The following NOSIP variants were observed in gnomAD, a reference collection of about 807,000 sequenced individuals.
The protein encoded by NOSIP is nitric oxide synthase interacting protein, also known as nitric oxide synthase-interacting protein.
A neutral mutation model predicts 36.4 loss-of-function variants in NOSIP; 25 were observed. The ratio of observed to expected loss-of-function variants is 0.69; its 90% CI spans 0.50 to 0.96. The LOEUF is 0.96. Among genes scored for constraint, NOSIP ranks in the 40% least tolerant of loss-of-function variants. NOSIP has a pLI of 0.00. For missense variants in NOSIP, 370 were observed against 429.0 expected (o/e 0.86, Z 1.21); for synonymous variants, 187 against 179.2 (o/e 1.04, Z -0.35).
At position 49,569,369 on chromosome 19, in the gene NOSIP, AT is replaced by A. The variant is rs552513559; in HGVS notation, c.-1-8678del. 6.2e-3 allele frequency among the ~76,000 whole-genome samples: 843 copies of A among 136,082 alleles called. 10 individuals carry two copies. Among genetic ancestry groups the A allele is most frequent in the African/African-American group, 0.021 (781 of 37,198 alleles). The allele number at this position is 136,082 out of a possible 152,430, so 89.3% of individuals were successfully genotyped here. A position where few individuals can be genotyped will look rare whatever the true frequency, so the allele number is the denominator to read the frequency against. On this transcript the variant is annotated intron_variant, in intron 1 of 8. Transcript: ENST00000596358. ...CCACCACACCCAGCTAATTTTTTTT[AT>A]TTTTTTTTTAGTAGAGATGGGGTTT...
chr19:49,556,572 G>C lies in NOSIP; in HGVS notation c.702C>G (p.Thr234=). 2 of 1,606,120 alleles carry C rather than the reference G, an allele frequency of 1.2e-6. No homozygotes were observed. The highest frequency in any genetic ancestry group is 1.7e-6 in the Non-Finnish European group (2 of 1,179,302). ...ACGAGGGCCGCAGCACAGCGCAGGG[G>C]GTGGCGTTGCTCAGGCTGTCGCGGG... is the stretch of plus-strand genomic sequence containing the variant. The part of the protein sequence containing the change: ...AVTRDSLSNA[T]PCAVLRPSGA... Residue 234 remains threonine (T), a synonymous_variant, in exon 7 of 9, where the codon ACC becomes ACG. Coordinates refer to ENST00000596358, the MANE Select transcript of NOSIP (RefSeq NM_001270960.2).
At chr19:49,579,099 C>A (rs145801748) in intron 1 of NOSIP, 20 of 151,964 alleles carry the variant, frequency 1.3e-4, no homozygotes, top group Admixed American at 1.2e-3. Context: ...GGGAACAGTT[C>A]TAAATTAAGA....
intron 1 of NOSIP, among the ~76,000 whole-genome samples, chr19:49,564,078 T>A (rs77104982): frequency 1.3e-5 from 2 of 152,130 alleles, no homozygotes; most frequent in African/African-American, 4.8e-5. Context: ...CCATGAGGTG[T>A]GACACTGCAA....
rs1555734910 is a variant in NOSIP, at chr19:49,565,770, A to AAAAAGG, written c.-1-5079_-1-5078insCCTTTT. 4.6e-3 allele frequency among the ~76,000 whole-genome samples: 512 copies of AAAAAGG among 111,902 alleles called. 7 individuals are homozygous for AAAAAGG. The highest frequency in any genetic ancestry group is 0.024 in the Middle Eastern group (5 of 212). The allele number at this position is 111,902 out of a possible 152,430, so 73.4% of individuals were successfully genotyped here. A position where few individuals can be genotyped will look rare whatever the true frequency, so the allele number is the denominator to read the frequency against. ...GAGAACCTGTCTCAAAAGAAAAAAA[A>AAAAAGG]AAGAAAGAAAGAAAGAAATTAATGG... On this transcript the variant is annotated intron_variant, in intron 1 of 8. Coordinates refer to ENST00000596358, the MANE Select transcript of NOSIP (RefSeq NM_001270960.2).
chr19:49,557,044 C>T (rs2080260580), intron 5 of NOSIP, 46 bp downstream of exon 5: 4 of 1,588,432 alleles, frequency 2.5e-6, no homozygotes, highest in Non-Finnish European at 2.6e-6. Context: ...CCGCCCAGCC[C>T]GCGGCGCCCC....
At chr19:49,568,775 T>G in intron 1 of NOSIP, among the ~76,000 whole-genome samples, 1 of 136,718 alleles carries the variant, frequency 7.3e-6, no homozygotes. Context: ...CTAGACCCCA[T>G]CTCTAAAAAA....
intron 1 of NOSIP, among the ~76,000 whole-genome samples, chr19:49,569,023 G>A (rs1179678942): frequency 1.3e-5 from 2 of 151,384 alleles, no homozygotes; most frequent in East Asian, 1.9e-4. Context: ...CGATGGTCTC[G>A]AACTCCTGAC....
chr19:49,575,142 C>T (rs1339178076), intron 1 of NOSIP, among the ~76,000 whole-genome samples: 3 of 152,122 alleles, frequency 2.0e-5, no homozygotes, highest in African/African-American at 4.8e-5. Flanking sequence ...GGATTACAGG[C>T]GTGAGCCACT....
intron 1 of NOSIP, among the ~76,000 whole-genome samples, chr19:49,572,117 T>C (rs1038074119): frequency 3.3e-5 from 5 of 151,854 alleles, no homozygotes; most frequent in African/African-American, 1.2e-4. Flanking sequence ...TTTTTCTTTT[T>C]TTTTTGAGAT....
At position 49,563,333 on chromosome 19, in the gene NOSIP, G is replaced by A. The variant is rs149636671; in HGVS notation, c.-1-2641C>T. 3.1e-3 allele frequency among the ~76,000 whole-genome samples: 473 copies of A among 151,090 alleles called. 8 individuals are homozygous for A. Among genetic ancestry groups the A allele is most frequent in the African/African-American group, 0.011 (450 of 41,154 alleles). ...TGGGACTACAGGCATGTGCCACCACGCCCAGCTAATTTTTATATTTTTAGT... is the reference window on the plus strand; with the variant it reads ...TGGGACTACAGGCATGTGCCACCACACCCAGCTAATTTTTATATTTTTAGT... On this transcript the variant is annotated intron_variant, in intron 1 of 8. Transcript: ENST00000596358.
intron 1 of NOSIP, among the ~76,000 whole-genome samples, chr19:49,576,663 T>TCC (rs2080557205): frequency 3.3e-5 from 5 of 151,412 alleles, no homozygotes; most frequent in Admixed American, 2.0e-4. Flanking sequence ...GGTGGGCGGA[T>TCC]CACCTGAGGT....
At position 49,557,115 on chromosome 19, in the gene NOSIP, G is replaced by C; in HGVS notation, c.393C>G (p.Ala131=). ...CTGGGCTGGTGCCCGAGAGGGCCTT[G>C]GCTGTGAAAGGGTTGAGGGGCCGGC... ...IVSRPLNPFT[A]KALSGTSPDD... is the part of the protein sequence containing the mutation. The change falls in exon 5 of 9, where the codon GCC becomes GCG. Residue 131 remains alanine (A), a synonymous_variant. Transcript: ENST00000596358. 3.7e-6 allele frequency: 6 copies of C among 1,612,944 alleles called. No homozygotes were observed. The highest frequency in any genetic ancestry group is 5.1e-6 in the Non-Finnish European group (6 of 1,179,558).
At chr19:49,561,883 TAA>T (rs35018027) in intron 1 of NOSIP, among the ~76,000 whole-genome samples, 14 of 129,944 alleles carry the variant, frequency 1.1e-4, no homozygotes, top group Admixed American at 1.6e-4. Context: ...CTGTCACAAT[TAA>T]AAAAAAAAAA....
At chr19:49,570,154 C>T (rs896498614) in intron 1 of NOSIP, among the ~76,000 whole-genome samples, 4 of 152,088 alleles carry the variant, frequency 2.6e-5, no homozygotes, top group African/African-American at 9.7e-5. Flanking sequence ...ACAAAAGGCT[C>T]CACATGACAC....
chr19:49,562,359 G>C (rs529448992), intron 1 of NOSIP, among the ~76,000 whole-genome samples: 1 of 152,030 alleles, frequency 6.6e-6, no homozygotes, highest in South Asian at 2.1e-4. Context: ...CCTGACCTCA[G>C]GTGATCCACC....
chr19:49,556,513 C>T, intron 7 of NOSIP, 36 bp downstream of exon 7: 2 of 1,606,498 alleles, frequency 1.2e-6, no homozygotes, highest in South Asian at 1.1e-5. Flanking sequence ...CGCAGGTTCC[C>T]GAGTGGTCCC....
intron 1 of NOSIP, among the ~76,000 whole-genome samples, chr19:49,561,533 C>T (rs1345664218): frequency 6.6e-6 from 1 of 152,102 alleles, no homozygotes; most frequent in Non-Finnish European, 1.5e-5. Flanking sequence ...CAACCCCCAC[C>T]CTTTTAAATG....
intron 1 of NOSIP, among the ~76,000 whole-genome samples, chr19:49,565,281 A>G (rs2080391374): frequency 6.6e-6 from 1 of 151,422 alleles, no homozygotes; most frequent in South Asian, 2.1e-4. Flanking sequence ...TCAAAAAAAA[A>G]AAAGTCAGGT....
chr19:49,578,234 C>T (rs1405638320), intron 1 of NOSIP, among the ~76,000 whole-genome samples: 2 of 151,982 alleles, frequency 1.3e-5, no homozygotes, highest in Non-Finnish European at 2.9e-5. Flanking sequence ...AGCAATTCTC[C>T]TGCCTCAGCC....
Sources: gnomAD v4.1 joint callset for allele counts (sites outside exome capture counted in the v4.1 genomes callset) on GRCh38, gnomAD v4.1.1 for gene constraint, MANE v1.5 for transcripts, NCBI Gene and HGNC (gene_info 2026-07-23, HGNC 2026-07-21) for gene names.